Variants in HNF4G observed in about 807,000 individuals in gnomAD.
The protein encoded by HNF4G is hepatocyte nuclear factor 4 gamma, also known as hepatocyte nuclear factor 4-gamma.
HNF4G carries 21 observed loss-of-function variants against 50.9 expected under a neutral mutation model. The observed-to-expected ratio is 0.41, with a 90% CI of 0.29 to 0.59. HNF4G has a LOEUF of 0.59. HNF4G is among the 20% of genes least tolerant of loss of function. The pLI, the probability that HNF4G is intolerant of heterozygous loss-of-function variation, is 0.26. For missense variants in HNF4G, 527 were observed against 559.4 expected (o/e 0.94, Z 0.58); for synonymous variants, 198 against 185.6 (o/e 1.07, Z -0.54).
At chr8:75,495,974 AC>A (rs903587058) in intron 2 of HNF4G, among the ~76,000 whole-genome samples, 1 of 152,150 alleles carries the variant, frequency 6.6e-6, no homozygotes, top group African/African-American at 2.4e-5. Context: ...TCCCTCTTCA[AC>A]AAAGTCTTTA....
At chr8:75,487,960 A>G (rs898969455) in intron 1 of HNF4G, among the ~76,000 whole-genome samples, 2 of 152,214 alleles carry the variant, frequency 1.3e-5, no homozygotes, top group Non-Finnish European at 2.9e-5. Context: ...AAAGCCCCTT[A>G]TAAAACCATC....
intron 1 of HNF4G, among the ~76,000 whole-genome samples, chr8:75,415,786 T>G (rs1317123742): frequency 1.0e-4 from 14 of 138,802 alleles, no homozygotes; most frequent in South Asian, 2.4e-4. Context: ...TGTTGGGGGG[T>G]GGGGGGCATG....
intron 1 of HNF4G, among the ~76,000 whole-genome samples, chr8:75,488,216 A>G (rs1487906244): frequency 2.0e-5 from 3 of 152,182 alleles, no homozygotes; most frequent in Non-Finnish European, 4.4e-5. Flanking sequence ...GAGTTTAGAA[A>G]TCACTGTTGT....
chr8:75,421,529 A>G (rs1810775528), intron 1 of HNF4G, among the ~76,000 whole-genome samples: 1 of 152,210 alleles, frequency 6.6e-6, no homozygotes, highest in Non-Finnish European at 1.5e-5. Context: ...ATTATGTTTG[A>G]AGATAAATAG....
chr8:75,409,831 A>G (rs535321869), intron 1 of HNF4G, among the ~76,000 whole-genome samples: 1 of 152,112 alleles, frequency 6.6e-6, no homozygotes, highest in Non-Finnish European at 1.5e-5. Flanking sequence ...TAAATTCTGA[A>G]GGTAATATTT....
intron 2 of HNF4G, among the ~76,000 whole-genome samples, chr8:75,526,105 AATTTATTTATTTATTT>A (rs34542534): frequency 0.04 from 5,737 of 143,802 alleles, 138 homozygotes; most frequent in South Asian, 0.063. Flanking sequence ...TACTTGCTCA[AATTTATTTATTTATTT>A]ATTTATTTAT....
intron 1 of HNF4G, among the ~76,000 whole-genome samples, chr8:75,451,202 GT>G (rs1206860019): frequency 6.6e-6 from 1 of 151,318 alleles, no homozygotes; most frequent in Non-Finnish European, 1.5e-5. Context: ...GTTTTGTTTT[GT>G]TTTTTGTCTT....
intron 1 of HNF4G, among the ~76,000 whole-genome samples, chr8:75,437,172 G>T (rs1407696292): frequency 6.6e-6 from 1 of 152,166 alleles, no homozygotes; most frequent in African/African-American, 2.4e-5. Flanking sequence ...AATATAAAAA[G>T]TCAGAGTCAG....
chr8:75,537,868 T>C (rs1046791354), upstream of HNF4G, among the ~76,000 whole-genome samples: 16 of 152,168 alleles, frequency 1.1e-4, no homozygotes, highest in African/African-American at 3.4e-4. Context: ...TAAGATGAAG[T>C]AAAGATATAT....
chr8:75,421,995 A>T (rs1042400878), intron 1 of HNF4G, among the ~76,000 whole-genome samples: 6 of 152,212 alleles, frequency 3.9e-5, no homozygotes, highest in African/African-American at 1.4e-4. Flanking sequence ...TTACCTGTTC[A>T]TTATGCTGTT....
At chr8:75,458,633 T>A (rs2056089) in intron 1 of HNF4G, among the ~76,000 whole-genome samples, 4 of 152,234 alleles carry the variant, frequency 2.6e-5, no homozygotes, top group African/African-American at 9.6e-5. Flanking sequence ...CCTTAATGTC[T>A]TTGTTTCCTA....
intron 2 of HNF4G, among the ~76,000 whole-genome samples, chr8:75,526,104 A>C (rs1324440453): frequency 7.8e-6 from 1 of 128,488 alleles, no homozygotes; most frequent in Non-Finnish European, 1.7e-5. Context: ...CTACTTGCTC[A>C]AATTTATTTA....
At position 75,462,165 on chromosome 8, in the gene HNF4G, C is replaced by T. The variant is rs1563516039; in HGVS notation, c.-143-27924C>T. Among the ~76,000 whole-genome samples, 7 of 152,198 alleles carry T rather than the reference C, an allele frequency of 4.6e-5. No homozygotes were observed. The South Asian group carries it at 1.2e-3, about 27-fold the overall frequency. The stretch of plus-strand genomic sequence containing the variant: ...CTCCCAACTTCAGGTAATCTGCCTG[C>T]CTTGGACTCCCAAAGTGCAGGGATT... On this transcript the variant is annotated intron_variant, in intron 1 of 10. Coordinates refer to the HNF4G transcript ENST00000354370.
chr8:75,445,000 C>G (rs1440438266), intron 1 of HNF4G, among the ~76,000 whole-genome samples: 2 of 150,614 alleles, frequency 1.3e-5, no homozygotes, highest in South Asian at 4.2e-4. Context: ...CACACCACAC[C>G]TATTCCAAAA....
chr8:75,413,385 G>A (rs905336168), intron 1 of HNF4G, among the ~76,000 whole-genome samples: 4 of 151,166 alleles, frequency 2.6e-5, no homozygotes, highest in African/African-American at 9.7e-5. Context: ...AGTGGCCAGT[G>A]GCAATGAAGG....
intron 1 of HNF4G, among the ~76,000 whole-genome samples, chr8:75,439,273 T>C (rs1287252580): frequency 2.0e-5 from 3 of 152,050 alleles, no homozygotes; most frequent in Non-Finnish European, 2.9e-5. Context: ...AATTATTTAG[T>C]ATTTTCAAAA....
Position 75,419,672 on chromosome 8 carries a change from C to T in HNF4G, c.-144+11510C>T, listed in dbSNP as rs76224638. 3.5e-3 allele frequency among the ~76,000 whole-genome samples: 532 copies of T among 152,334 alleles called. 7 individuals carry two copies. In the East Asian group the frequency reaches 0.062, roughly 18 times the overall value. The stretch of plus-strand genomic sequence containing the variant: ...ATTGCAGTACAAGCTCCATGATTCA[C>T]GCCCACCAACACTTCAATGTCACTG... On this transcript the variant is annotated intron_variant, in intron 1 of 10. Coordinates refer to the HNF4G transcript ENST00000354370.
intron 2 of HNF4G, among the ~76,000 whole-genome samples, chr8:75,502,735 G>T (rs13280152): frequency 0.099 from 15,088 of 152,122 alleles, 874 homozygotes; most frequent in Non-Finnish European, 0.12. Context: ...TTGCTTTGAA[G>T]TAATTTGACC....
At chr8:75,423,815 C>CTTTTTTTTTTT (rs548125507) in intron 1 of HNF4G, among the ~76,000 whole-genome samples, 12 of 71,216 alleles carry the variant, frequency 1.7e-4, no homozygotes, top group South Asian at 7.3e-4. Context: ...AAGTTTCTTT[C>CTTTTTTTTTTT]TTTTTTTTTT....
Sources: gnomAD v4.1 joint callset for allele counts (sites outside exome capture counted in the v4.1 genomes callset) on GRCh38, gnomAD v4.1.1 for gene constraint, MANE v1.5 for transcripts, NCBI Gene and HGNC (gene_info 2026-07-23, HGNC 2026-07-21) for gene names.